Variants in KIF2C observed in about 807,000 individuals in gnomAD.
KIF2C encodes the protein kinesin family member 2C, also known as kinesin-like protein KIF2C.
Under a neutral mutation model 97.4 loss-of-function variants are expected in KIF2C, and 34 were observed. That is an observed-to-expected ratio of 0.35 (90% CI 0.27 to 0.46). KIF2C has a LOEUF of 0.46. Ranked by LOEUF, KIF2C falls within the 20% of genes least tolerant of loss-of-function variation. The pLI is 1.00. For missense variants in KIF2C, 750 were observed against 907.6 expected (o/e 0.83, Z 2.23); for synonymous variants, 313 against 318.2 (o/e 0.98, Z 0.17).
rs908622245 is a variant in KIF2C at position 44,754,759 on chromosome 1, A to G, written c.673A>G (p.Ser225Gly). The stretch of plus-strand genomic sequence containing the variant: ...TCTCGTCTCAAACCAGGAGTATGAC[A>G]GTAGTTTTCCAAACTGGGAATTTGC... ...MRMKRAQEYDSSFPNWEFARM... is the reference protein window; with the variant it reads ...MRMKRAQEYDGSFPNWEFARM... Residue 225 changes from serine to glycine, a missense_variant, in exon 8 of 21, where the codon AGT (serine) becomes GGT (glycine). Ser to Gly is a moderately conservative substitution (Grantham distance 56, BLOSUM62 0). Transcript: ENST00000372224. 2.5e-6 allele frequency: 4 copies of G among 1,608,420 alleles called. No homozygotes were observed. Among genetic ancestry groups the G allele is most frequent in the Non-Finnish European group, 3.4e-6 (4 of 1,174,848 alleles).
rs1466565444 is a variant in KIF2C at position 44,760,621 on chromosome 1, G to A, written c.1602G>A (p.Lys534=). ...GCATCAGGGCCCTGGGACAGAACAAGGCTCACACCCCGTTCCGTGAGAGCA... is the reference window on the plus strand; with the variant it reads ...GCATCAGGGCCCTGGGACAGAACAAAGCTCACACCCCGTTCCGTGAGAGCA... ...KECIRALGQN[K]AHTPFRESKL... is the part of the protein sequence containing the mutation. Residue 534 remains lysine, a synonymous_variant, in exon 16 of 21, where the codon AAG becomes AAA. Transcript: ENST00000372224. This position sits in a 1 kb window ranked among gnomAD's most constrained non-coding sequence, Gnocchi z 4.2. The A allele has an allele frequency of 6.2e-7, 1 of 1,614,110 alleles. No homozygotes were observed. Among genetic ancestry groups the A allele is most frequent in the Non-Finnish European group, 8.5e-7 (1 of 1,180,054 alleles).
At chr1:44,743,365 T>C (rs1180072126) in intron 2 of KIF2C, among the ~76,000 whole-genome samples, 2 of 152,212 alleles carry the variant, frequency 1.3e-5, no homozygotes, top group Non-Finnish European at 2.9e-5. Context: ...TAATAATGTC[T>C]ACCTCACAGG....
At chr1:44,749,398 G>A (rs909278973) in intron 4 of KIF2C, among the ~76,000 whole-genome samples, 1 of 151,978 alleles carries the variant, frequency 6.6e-6, no homozygotes, top group African/African-American at 2.4e-5. Context: ...TCATGCCACT[G>A]TACTCCAGCC....
At chr1:44,755,361 GT>G (rs2148828358) in intron 8 of KIF2C, among the ~76,000 whole-genome samples, 1 of 152,336 alleles carries the variant, frequency 6.6e-6, no homozygotes, top group East Asian at 1.9e-4. Flanking sequence ...CACCTCCCAG[GT>G]TTAAGTGATT....
At chr1:44,741,049 C>G (rs1329017442) in intron 2 of KIF2C, 42 bp downstream of exon 2, 1 of 1,444,292 alleles carries the variant, frequency 6.9e-7, no homozygotes, top group Non-Finnish European at 9.7e-7. Flanking sequence ...TAATGTCTTC[C>G]TACATAAAGG....
intron 1 of KIF2C, 91 bp from the exon 2 acceptor site, chr1:44,740,822 G>T: frequency 5.7e-6 from 3 of 529,326 alleles, no homozygotes; most frequent in Non-Finnish European, 1.0e-5. Context: ...TGTTCCTTCA[G>T]GTTAACTCCA....
intron 5 of KIF2C, among the ~76,000 whole-genome samples, chr1:44,751,736 G>A (rs1649527900): frequency 6.6e-6 from 1 of 150,672 alleles, no homozygotes; most frequent in South Asian, 2.1e-4. Context: ...TCGAACTCCT[G>A]ACCTCATGTG....
At chr1:44,746,696 C>T in intron 2 of KIF2C, 1 of 1,592,358 alleles carries the variant, frequency 6.3e-7, no homozygotes. Flanking sequence ...CTCCTCTTCA[C>T]CTCATTCTCA....
Position 44,753,217 on chromosome 1 carries a change from C to A in KIF2C, c.525C>A (p.Ser175=), listed in dbSNP as rs1335220047. ...VSEEMEEQVH[S]IRGSSSANPV... The stretch of plus-strand genomic sequence containing the variant: ...AGGAGATGGAAGAGCAAGTCCATTC[C>A]ATCCGAGGCAGCTCTTCTGCAAACC... Residue 175 remains serine (S), a synonymous_variant, in exon 6 of 21, where the codon TCC becomes TCA. Transcript: ENST00000372224. 6.2e-7 allele frequency: 1 copy of A among 1,613,908 alleles called. No homozygotes were observed. Among genetic ancestry groups the A allele is most frequent in the East Asian group, 2.2e-5 (1 of 44,858 alleles).
chr1:44,759,686 C>T (rs1650036724), intron 14 of KIF2C, among the ~76,000 whole-genome samples: 1 of 152,050 alleles, frequency 6.6e-6, no homozygotes, highest in South Asian at 2.1e-4. Flanking sequence ...AAGATCCTGT[C>T]TCAAAAAAAT....
At position 44,756,207 on chromosome 1, in the gene KIF2C, A is replaced by T; in HGVS notation, c.947A>T (p.Asp316Val). The T allele has an allele frequency of 6.2e-7, 1 of 1,614,228 alleles. No individual in the cohort carries two copies. Among genetic ancestry groups the T allele is most frequent in the Non-Finnish European group, 8.5e-7 (1 of 1,180,042 alleles). The change falls in exon 10 of 21, where the codon GAT becomes GTT. Residue 316 changes from aspartate to valine, a missense_variant. By Grantham distance (152) the Asp-to-Val change is radical. Transcript: ENST00000372224. ...GCATTCTGCTTTGACTTTGCATTTG[A>T]TGAAACAGCTTCGAATGAAGTTGTC... ...NQAFCFDFAF[D>V]ETASNEVVYR...
At position 44,767,111 on chromosome 1, in the gene KIF2C, T is replaced by G. The variant is rs1395949835; in HGVS notation, c.2110T>G (p.Leu704Val). 1.2e-6 allele frequency: 2 copies of G among 1,614,042 alleles called. No individual in the cohort carries two copies. Among genetic ancestry groups the G allele is most frequent in the East Asian group, 4.5e-5 (2 of 44,890 alleles). Reference sequence around the variant, plus strand: ...CTTTCTTCCAGATGTCATCAAGGCCTTGCGCCTGGCCATGCAGCTGGAAGA... The same window carrying G: ...CTTTCTTCCAGATGTCATCAAGGCCGTGCGCCTGGCCATGCAGCTGGAAGA... ...FSALRDVIKA[L>V]RLAMQLEEQA... Residue 704 changes from leucine to valine, a missense_variant, in exon 21 of 21, where the codon TTG becomes GTG. By Grantham distance (32) the Leu-to-Val change is conservative (BLOSUM62 1). Coordinates refer to ENST00000372224, the MANE Select transcript of KIF2C (RefSeq NM_006845.4).
At chr1:44,756,345 C>T (rs1649831242) in intron 10 of KIF2C, 108 bp downstream of exon 10, 3 of 1,180,020 alleles carry the variant, frequency 2.5e-6, no homozygotes, top group Admixed American at 3.9e-5. Context: ...GAGGCTCTTC[C>T]TCGCTTCTTG....
In KIF2C at chr1:44,742,793, G is replaced by T. The variant is rs1449784199; in HGVS notation, c.165+1786G>T. ...ACTTTGCTTGCCCAAGCTAGGTTCTGCATGCACACTACCTGTGATATCAGT... is the reference window on the plus strand; with the variant it reads ...ACTTTGCTTGCCCAAGCTAGGTTCTTCATGCACACTACCTGTGATATCAGT... On this transcript the variant is annotated intron_variant, in intron 2 of 20. Coordinates refer to ENST00000372224, the MANE Select transcript of KIF2C (RefSeq NM_006845.4). 3.3e-5 allele frequency among the ~76,000 whole-genome samples: 5 copies of T among 151,816 alleles called. No individual in the cohort carries two copies. In the East Asian group the frequency reaches 9.7e-4, roughly 29 times the overall value.
chr1:44,755,401 G>A (rs1649771502), intron 8 of KIF2C, among the ~76,000 whole-genome samples: 1 of 152,228 alleles, frequency 6.6e-6, no homozygotes, highest in Admixed American at 6.5e-5. Context: ...CAGTAGCTGG[G>A]ATTACAGGCA....
At chr1:44,748,571 C>T (rs1463809824) in intron 4 of KIF2C, among the ~76,000 whole-genome samples, 1 of 152,116 alleles carries the variant, frequency 6.6e-6, no homozygotes, top group Admixed American at 6.6e-5. Context: ...GGCAGGGTCT[C>T]ACTTGGTTGT....
intron 16 of KIF2C, 103 bp from the exon 17 acceptor site, chr1:44,761,813 C>T: frequency 9.0e-7 from 1 of 1,107,680 alleles, no homozygotes; most frequent in Non-Finnish European, 1.4e-6. Flanking sequence ...ATGTGGGTCT[C>T]CAAAGCTTGA....
intron 2 of KIF2C, among the ~76,000 whole-genome samples, chr1:44,745,462 G>GTTTTTTTTTTTTT (rs1557589253): frequency 1.2e-4 from 5 of 42,748 alleles, no homozygotes; most frequent in Admixed American, 2.4e-4. Flanking sequence ...GGTTGTATAT[G>GTTTTTTTTTTTTT]TCTTTTTTTT....
intron 1 of KIF2C, 106 bp downstream of exon 1, chr1:44,740,108 C>T (rs944173069): frequency 3.0e-6 from 4 of 1,343,924 alleles, no homozygotes; most frequent in Non-Finnish European, 4.3e-6. Context: ...CTTTCTCTCC[C>T]TCCCTCCTTT....
Sources: gnomAD v4.1 joint callset for allele counts (sites outside exome capture counted in the v4.1 genomes callset) on GRCh38, gnomAD v4.1.1 for gene constraint, Gnocchi (gnomAD v3.1) non-coding constraint, MANE v1.5 for transcripts, NCBI Gene and HGNC (gene_info 2026-07-23, HGNC 2026-07-21) for gene names.